Variants in ALG14 observed in about 807,000 individuals in gnomAD.
The protein encoded by ALG14 is UDP-N-acetylglucosamine transferase subunit ALG14.
In ALG14, 17 loss-of-function variants were observed where a neutral mutation model predicts 22.8. The observed-to-expected ratio is 0.75, with a 90% CI of 0.51 to 1.12. The LOEUF (loss-of-function observed/expected upper bound fraction) is 1.12. Among genes scored for constraint, ALG14 ranks in the 50% most tolerant of loss-of-function variants. ALG14 has a pLI of 0.00. For synonymous variants in ALG14, 89 were observed against 103.7 expected, an observed-to-expected ratio of 0.86 and a Z score of 0.86; for missense variants, 288 against 271.8, an observed-to-expected ratio of 1.06 and a Z score of -0.42.
intron 3 of ALG14, among the ~76,000 whole-genome samples, chr1:95,020,569 T>A (rs1466084270): frequency 1.3e-5 from 2 of 151,640 alleles, no homozygotes; most frequent in East Asian, 3.9e-4. Context: ...AGAAACCCTG[T>A]CTCTACTAAA....
At chr1:95,045,183 T>C (rs1338007629) in intron 2 of ALG14, among the ~76,000 whole-genome samples, 1 of 152,212 alleles carries the variant, frequency 6.6e-6, no homozygotes. Context: ...TGAACTTGTA[T>C]TACTTGATAG....
At chr1:95,002,231 C>T (rs940804674) in intron 3 of ALG14, among the ~76,000 whole-genome samples, 6 of 152,022 alleles carry the variant, frequency 3.9e-5, no homozygotes, top group African/African-American at 1.4e-4. Flanking sequence ...ATTGATAAAG[C>T]CCTGTAAGTA....
intron 3 of ALG14, among the ~76,000 whole-genome samples, chr1:95,021,103 A>G (rs1673649056): frequency 6.6e-6 from 1 of 152,236 alleles, no homozygotes; most frequent in Non-Finnish European, 1.5e-5. Flanking sequence ...AGAGGGAGCA[A>G]AAGTTAACCA....
intron 1 of ALG14, among the ~76,000 whole-genome samples, chr1:95,070,441 A>G (rs1421852563): frequency 1.3e-5 from 2 of 152,222 alleles, no homozygotes; most frequent in Non-Finnish European, 2.9e-5. Flanking sequence ...CTTGGCCCTT[A>G]CAGTAGCCAA....
intron 3 of ALG14, among the ~76,000 whole-genome samples, chr1:94,991,680 C>T (rs7547662): frequency 0.57 from 86,271 of 151,860 alleles, 25,645 homozygotes; most frequent in East Asian, 0.83. Flanking sequence ...ACACTTAGCC[C>T]ACACTAAGTT....
chr1:95,059,792 A>C (rs1470821316), intron 2 of ALG14, among the ~76,000 whole-genome samples: 1 of 151,978 alleles, frequency 6.6e-6, no homozygotes, highest in East Asian at 2.0e-4. Context: ...CCAAATTTTA[A>C]ATTTTACTTA....
chr1:95,072,665 T>C, intron 1 of ALG14, 98 bp downstream of exon 1: 1 of 1,507,464 alleles, frequency 6.6e-7, no homozygotes, highest in Non-Finnish European at 9.0e-7. Context: ...CATGCAACAC[T>C]CCAAGAAGTG....
Position 95,027,189 on chromosome 1 carries a change from G to A in ALG14, c.360C>T (p.Phe120=). 1 of 1,614,200 alleles carries A rather than the reference G, an allele frequency of 6.2e-7. No individual in the cohort carries two copies. The highest frequency in any genetic ancestry group is 8.5e-7 in the Non-Finnish European group (1 of 1,180,016). Residue 120 remains phenylalanine (F), a synonymous_variant, in exon 3 of 4, where the codon TTC becomes TTT. Coordinates refer to ENST00000370205, the MANE Select transcript of ALG14 (RefSeq NM_144988.4). ...AGAGCCACATGGAGTGCAAGGTGGT[G>A]AAAACGGTGGAGGGCCAGGACTGCT... is the stretch of plus-strand genomic sequence containing the variant. ...EVQQSWPSTV[F]TTLHSMWLSF... is the part of the protein sequence containing the mutation.
At chr1:95,054,661 A>T (rs1294262148) in intron 2 of ALG14, among the ~76,000 whole-genome samples, 2 of 152,258 alleles carry the variant, frequency 1.3e-5, no homozygotes, top group Non-Finnish European at 2.9e-5. Flanking sequence ...AAAGAAACAC[A>T]AATCTTGAAG....
At position 94,976,828 on chromosome 1, in the gene ALG14, G is replaced by A. The variant is rs1368192986; in HGVS notation, c.*6248C>T. On this transcript the variant is annotated 3_prime_UTR_variant, in exon 4 of 4. Coordinates refer to ENST00000370205, the MANE Select transcript of ALG14 (RefSeq NM_144988.4). ...TCCTCTGATTATGTTACATTAACAT[G>A]GCAAAAGGGACGTAATTATGATCCT... The A allele has an allele frequency of 6.6e-6, 1 of 152,124 alleles. No individual in the cohort carries two copies. Among genetic ancestry groups the A allele is most frequent in the Non-Finnish European group, 1.5e-5 (1 of 68,050 alleles). The allele number at this position is 152,124 out of a possible 1,614,324, so 9.4% of individuals were successfully genotyped here.
chr1:95,036,147 T>C (rs1029811685), intron 2 of ALG14, among the ~76,000 whole-genome samples: 2 of 152,130 alleles, frequency 1.3e-5, no homozygotes, highest in Non-Finnish European at 2.9e-5. Context: ...GCCCCTGATA[T>C]AGTTTGGTTG....
chr1:94,980,378 G>GA lies in ALG14; in HGVS notation c.*2697dup, dbSNP rs1672473875. On this transcript the variant is annotated 3_prime_UTR_variant, in exon 4 of 4. Coordinates refer to ENST00000370205, the MANE Select transcript of ALG14 (RefSeq NM_144988.4). ...CTACTGAGACCTTTTAGGATAGCTG[G>GA]ACTGTAGATAGAAATCTTCCAGGGA... 6.6e-6 allele frequency: 1 copy of GA among 152,178 alleles called. No homozygotes were observed. Among genetic ancestry groups the GA allele is most frequent in the African/African-American group, 2.4e-5 (1 of 41,450 alleles). 9.4% of individuals were successfully genotyped at this position (152,178 alleles called of 1,614,324 possible).
At chr1:95,030,895 T>G (rs1673978935) in intron 2 of ALG14, among the ~76,000 whole-genome samples, 1 of 152,182 alleles carries the variant, frequency 6.6e-6, no homozygotes, top group Non-Finnish European at 1.5e-5. Flanking sequence ...GGGTGGGAAC[T>G]GAGGGACCTC....
intron 3 of ALG14, chr1:95,022,489 G>A: frequency 2.4e-6 from 1 of 413,496 alleles, no homozygotes; most frequent in Non-Finnish European, 3.3e-6. Flanking sequence ...ACAGTGCAGG[G>A]CCAGTCCTTC....
intron 3 of ALG14, among the ~76,000 whole-genome samples, chr1:94,993,504 C>A (rs1672830526): frequency 6.6e-6 from 1 of 150,416 alleles, no homozygotes; most frequent in Non-Finnish European, 1.5e-5. Context: ...ATAGAAGAAG[C>A]CTGATTACCA....
At position 94,975,315 on chromosome 1, in the gene ALG14, A is replaced by G. The variant is rs7539517; in HGVS notation, c.*7761T>C. On this transcript the variant is annotated 3_prime_UTR_variant, in exon 4 of 4. Transcript: ENST00000370205. ...TTACAAGGTTCATCCACACTGTAGC[A>G]TGTATTAGTACTTCATTCCTTTGTG... 24,336 of 152,254 alleles carry G rather than the reference A, an allele frequency of 0.16. 2,486 individuals are homozygous for G. Among genetic ancestry groups the G allele is most frequent in the East Asian group, 0.48 (2,500 of 5,168 alleles). 9.4% of individuals were successfully genotyped at this position (152,254 alleles called of 1,614,324 possible). A position where few individuals can be genotyped will look rare whatever the true frequency, so the allele number is the denominator to read the frequency against.
At chr1:95,005,433 T>C (rs1410185740) in intron 3 of ALG14, among the ~76,000 whole-genome samples, 1 of 146,548 alleles carries the variant, frequency 6.8e-6, no homozygotes, top group East Asian at 1.9e-4. Flanking sequence ...GACCTACTGG[T>C]CACAGGCAGT....
At position 95,027,150 on chromosome 1, in the gene ALG14, A is replaced by C; in HGVS notation, c.399T>G (p.Ile133Met). ...LHSMWLSFPLIHRVKPDLVLC... is the reference protein window; with the variant it reads ...LHSMWLSFPLMHRVKPDLVLC... The stretch of plus-strand genomic sequence containing the variant: ...TTACCAAATCTGGCTTCACCCTGTG[A>C]ATTAGGGGAAAGGAGAGCCACATGG... Residue 133 changes from isoleucine to methionine, a missense_variant, in exon 3 of 4, where the codon ATT (isoleucine) becomes ATG (methionine). Physicochemically the swap from Ile to Met is conservative, Grantham distance 10. Transcript: ENST00000370205. 1 of 1,614,014 alleles carries C rather than the reference A, an allele frequency of 6.2e-7. No homozygotes were observed. The highest frequency in any genetic ancestry group is 2.2e-5 in the East Asian group (1 of 44,858).
chr1:95,032,554 C>G (rs1674044159), intron 2 of ALG14, among the ~76,000 whole-genome samples: 1 of 152,102 alleles, frequency 6.6e-6, no homozygotes, highest in Non-Finnish European at 1.5e-5. Context: ...GTCCTCTTTC[C>G]AAAAAATAGG....
Sources: allele counts gnomAD v4.1 joint callset (sites outside exome capture counted in the v4.1 genomes callset), GRCh38; gene constraint gnomAD v4.1.1; transcripts MANE v1.5; gene names NCBI Gene and HGNC (gene_info 2026-07-23, HGNC 2026-07-21).